Variants in SH3RF3 observed in about 807,000 individuals in gnomAD.
The protein encoded by SH3RF3 is E3 ubiquitin-protein ligase SH3RF3.
In SH3RF3, 29 loss-of-function variants were observed where a neutral mutation model predicts 66.3. The observed-to-expected ratio is 0.44, with a 90% CI of 0.33 to 0.60. The LOEUF (loss-of-function observed/expected upper bound fraction) is 0.60. Among genes scored for constraint, SH3RF3 ranks in the 20% least tolerant of loss-of-function variants. The pLI is 0.04. For missense variants in SH3RF3, 1,194 were observed against 1,190.9 expected (o/e 1.00, Z -0.04); for synonymous variants, 583 against 532.0 (o/e 1.10, Z -1.32).
chr2:109,426,170 A>G (rs962865769), intron 5 of SH3RF3, among the ~76,000 whole-genome samples: 1 of 152,186 alleles, frequency 6.6e-6, no homozygotes, highest in African/African-American at 2.4e-5. Context: ...TGGCCTCCCA[A>G]AGCGCTGGGA....
intron 2 of SH3RF3, among the ~76,000 whole-genome samples, chr2:109,360,753 T>C (rs1049510903): frequency 1.3e-5 from 2 of 152,234 alleles, no homozygotes; most frequent in African/African-American, 4.8e-5. Context: ...GATGATCATG[T>C]CATCTGTAAA....
chr2:109,362,137 C>G (rs1372913583), intron 2 of SH3RF3, among the ~76,000 whole-genome samples: 1 of 151,516 alleles, frequency 6.6e-6, no homozygotes, highest in East Asian at 1.9e-4. Flanking sequence ...TTCCTAGTGT[C>G]CTAAAGTGAA....
At chr2:109,250,433 A>G (rs1558982299) in intron 1 of SH3RF3, among the ~76,000 whole-genome samples, 1 of 152,050 alleles carries the variant, frequency 6.6e-6, no homozygotes, top group Admixed American at 6.5e-5. Context: ...AACAATCATC[A>G]TAATAAATTT....
chr2:109,389,310 A>G (rs1183850746), intron 3 of SH3RF3, among the ~76,000 whole-genome samples: 1 of 152,208 alleles, frequency 6.6e-6, no homozygotes, highest in East Asian at 1.9e-4. Context: ...CAGGAGGAAG[A>G]GGGCCTTTTA....
intron 5 of SH3RF3, among the ~76,000 whole-genome samples, chr2:109,427,512 G>T (rs1195147782): frequency 6.6e-6 from 1 of 152,150 alleles, no homozygotes; most frequent in Non-Finnish European, 1.5e-5. Context: ...CTTACACCAG[G>T]AGCTCCAGGG....
intron 1 of SH3RF3, among the ~76,000 whole-genome samples, chr2:109,338,012 G>A (rs910867857): frequency 4.6e-5 from 7 of 152,060 alleles, no homozygotes; most frequent in Admixed American, 1.3e-4. Context: ...GATTACAGGC[G>A]TGAGCCACCG....
intron 1 of SH3RF3, among the ~76,000 whole-genome samples, chr2:109,292,106 G>T (rs1438790704): frequency 6.6e-6 from 1 of 152,154 alleles, no homozygotes; most frequent in Non-Finnish European, 1.5e-5. Context: ...CTCGTGATCT[G>T]CCCGCCTCAG....
In SH3RF3 at chr2:109,309,753, T is replaced by C. The variant is rs370872683; in HGVS notation, c.574-37921T>C. Among the ~76,000 whole-genome samples the C allele has an allele frequency of 1.5e-4, 19 of 125,998 alleles. 5 individuals are homozygous for C. The highest frequency in any genetic ancestry group is 6.7e-4 in the African/African-American group (17 of 25,354). The allele number at this position is 125,998 out of a possible 152,430, so 82.7% of individuals were successfully genotyped here. A position where few individuals can be genotyped will look rare whatever the true frequency, so the allele number is the denominator to read the frequency against. ...TCAAAAGAGACAAAGAAGGCCATTA[T>C]ATAATGGTAAAGGGATCAATTCAAC... On this transcript the variant is annotated intron_variant, in intron 1 of 9. Transcript: ENST00000309415.
chr2:109,303,167 C>T (rs1264303706), intron 1 of SH3RF3, among the ~76,000 whole-genome samples: 3 of 152,192 alleles, frequency 2.0e-5, no homozygotes, highest in Non-Finnish European at 4.4e-5. Flanking sequence ...TGAGCCACCG[C>T]GCCCGGCCGA....
chr2:109,482,565 G>A (rs932075503), intron 8 of SH3RF3, among the ~76,000 whole-genome samples: 5 of 152,142 alleles, frequency 3.3e-5, no homozygotes, highest in East Asian at 3.9e-4. Context: ...ACCCACTCCC[G>A]CGCCCAGCCC....
At chr2:109,327,088 T>C (rs554501748) in intron 1 of SH3RF3, among the ~76,000 whole-genome samples, 1 of 152,388 alleles carries the variant, frequency 6.6e-6, no homozygotes, top group South Asian at 2.1e-4. Flanking sequence ...GTTGTTCCAC[T>C]GAACATTTAT....
chr2:109,161,591 G>C (rs1225912597), intron 1 of SH3RF3, among the ~76,000 whole-genome samples: 2 of 151,674 alleles, frequency 1.3e-5, no homozygotes, highest in South Asian at 2.1e-4. Context: ...AGGTTTATTT[G>C]GGTCACAATT....
At chr2:109,384,736 G>A (rs1479040731) in intron 3 of SH3RF3, among the ~76,000 whole-genome samples, 3 of 152,134 alleles carry the variant, frequency 2.0e-5, no homozygotes, top group Non-Finnish European at 4.4e-5. Flanking sequence ...AAATGCATGT[G>A]GAGGGAGCCT....
chr2:109,484,111 T>A (rs1301006299), intron 8 of SH3RF3, among the ~76,000 whole-genome samples: 1 of 149,832 alleles, frequency 6.7e-6, no homozygotes, highest in East Asian at 2.0e-4. Flanking sequence ...TCTTGTCTCC[T>A]AGGCTGGAGT....
chr2:109,144,759 A>G (rs1367710800), intron 1 of SH3RF3, among the ~76,000 whole-genome samples: 1 of 152,202 alleles, frequency 6.6e-6, no homozygotes, highest in Non-Finnish European at 1.5e-5. Context: ...GCCACCTCAC[A>G]CTGTCTGCAT....
intron 3 of SH3RF3, among the ~76,000 whole-genome samples, chr2:109,379,768 C>T (rs1259860680): frequency 6.6e-6 from 1 of 152,098 alleles, no homozygotes; most frequent in Non-Finnish European, 1.5e-5. Flanking sequence ...TTGTAAAGCC[C>T]TCCTGCAGGT....
intron 8 of SH3RF3, among the ~76,000 whole-genome samples, chr2:109,477,278 C>T (rs1382584769): frequency 2.0e-5 from 3 of 152,228 alleles, no homozygotes; most frequent in South Asian, 2.1e-4. Flanking sequence ...AGTCACTCCC[C>T]GTTCCTGCAC....
chr2:109,165,719 C>T (rs1174018626), intron 1 of SH3RF3, among the ~76,000 whole-genome samples: 1 of 152,154 alleles, frequency 6.6e-6, no homozygotes, highest in African/African-American at 2.4e-5. Flanking sequence ...AGTGGGGAGG[C>T]TTTCTGCTGC....
chr2:109,280,930 G>GGT (rs1231349877), intron 1 of SH3RF3, among the ~76,000 whole-genome samples: 1 of 152,212 alleles, frequency 6.6e-6, no homozygotes, highest in Non-Finnish European at 1.5e-5. Flanking sequence ...ACTAAAGCTT[G>GGT]GTACTAGGAA....
Sources: gnomAD v4.1 joint callset for allele counts (sites outside exome capture counted in the v4.1 genomes callset) on GRCh38, gnomAD v4.1.1 for gene constraint, MANE v1.5 for transcripts, NCBI Gene and HGNC (gene_info 2026-07-23, HGNC 2026-07-21) for gene names.